Variants in CLCA1 observed in about 807,000 individuals in gnomAD.
CLCA1 encodes chloride channel accessory 1.
CLCA1 carries 59 observed loss-of-function variants against 85.6 expected under a neutral mutation model. That is an observed-to-expected ratio of 0.69 (90% CI 0.56 to 0.86). The LOEUF (loss-of-function observed/expected upper bound fraction) is 0.86. Among genes scored for constraint, CLCA1 ranks in the 40% least tolerant of loss-of-function variants. CLCA1 has a pLI of 0.00. For missense variants in CLCA1, 1,022 were observed against 1,101.4 expected (o/e 0.93, Z 1.02); for synonymous variants, 396 against 398.3 (o/e 0.99, Z 0.07).
chr1:86,476,396 G>A lies in CLCA1; in HGVS notation c.452-52G>A. 4.7e-6 allele frequency: 4 copies of A among 859,326 alleles called. No individual in the cohort carries two copies. In the East Asian group the frequency reaches 9.8e-5, roughly 21 times the overall value. 53.2% of individuals were successfully genotyped at this position (859,326 alleles called of 1,614,324 possible). A position where few individuals can be genotyped will look rare whatever the true frequency, so the allele number is the denominator to read the frequency against. On this transcript the variant is annotated intron_variant, in intron 3 of 13. Transcript: ENST00000394711. Reference sequence around the variant, plus strand: ...ACATTGCTTTCTTCCAGTGTGAGAAGGTAATTTTGCCATTCTTATTGTAAT... The same window carrying A: ...ACATTGCTTTCTTCCAGTGTGAGAAAGTAATTTTGCCATTCTTATTGTAAT...
rs778126698 is a variant in CLCA1 at position 86,489,150 on chromosome 1, A to C, written c.1337A>C (p.Glu446Ala). 6.2e-7 allele frequency: 1 copy of C among 1,613,978 alleles called. No homozygotes were observed. Among genetic ancestry groups the C allele is most frequent in the South Asian group, 1.1e-5 (1 of 91,062 alleles). Reference protein sequence around the residue: ...ALGPSAAQELEELSKMTGGLQ... With the variant: ...ALGPSAAQELAELSKMTGGLQ... ...GGGCCCTCTGCAGCTCAAGAACTAG[A>C]GGAGCTGTCCAAAATGACAGGTGAG... The change falls in exon 8 of 14, where the codon GAG becomes GCG. Residue 446 changes from glutamate (E) to alanine (A), a missense_variant. Physicochemically the swap from Glu to Ala is moderately radical, Grantham distance 107. Coordinates refer to ENST00000394711, the MANE Select transcript of CLCA1 (RefSeq NM_001285.4).
intron 8 of CLCA1, 66 bp from the exon 9 acceptor site, chr1:86,491,199 A>G: frequency 8.7e-7 from 1 of 1,149,712 alleles, no homozygotes; most frequent in Non-Finnish European, 1.3e-6. Flanking sequence ...TCTCTAAACA[A>G]CAGCTAAAAT....
At chr1:86,497,412 C>A (rs1648322487) in intron 12 of CLCA1, among the ~76,000 whole-genome samples, 2 of 152,158 alleles carry the variant, frequency 1.3e-5, no homozygotes, top group African/African-American at 4.8e-5. Flanking sequence ...TATGAGAAAA[C>A]AAATTCTAAG....
At chr1:86,478,509 G>T (rs558784817) in intron 4 of CLCA1, among the ~76,000 whole-genome samples, 5 of 152,174 alleles carry the variant, frequency 3.3e-5, no homozygotes, top group Non-Finnish European at 5.9e-5. Context: ...GATGCCTTCG[G>T]CCTGTACACT....
intron 8 of CLCA1, 143 bp downstream of exon 8, chr1:86,489,313 A>T: frequency 1.3e-6 from 1 of 748,036 alleles, no homozygotes; most frequent in South Asian, 1.9e-5. Context: ...CCCCTGAATG[A>T]CTGTTTAAGT....
chr1:86,495,824 T>C, intron 12 of CLCA1, 149 bp downstream of exon 12: 1 of 712,268 alleles, frequency 1.4e-6, no homozygotes, highest in Non-Finnish European at 2.2e-6. Context: ...CAATCCTTTG[T>C]TGTGGAGGGC....
intron 8 of CLCA1, 134 bp downstream of exon 8, chr1:86,489,304 C>T: frequency 1.3e-6 from 1 of 770,750 alleles, no homozygotes; most frequent in Non-Finnish European, 2.1e-6. Flanking sequence ...CCACCCTTAC[C>T]CCTGAATGAC....
In CLCA1 at chr1:86,485,560, C is replaced by T. The variant is rs371482526; in HGVS notation, c.953C>T (p.Ala318Val). Residue 318 changes from alanine to valine, a missense_variant and splice_region_variant, in exon 6 of 14, where the codon GCG (alanine) becomes GTG (valine). Transcript: ENST00000394711. ...CLVLDKSGSM[A>V]TGNRLNRLNQ... ...GTCCTTGACAAATCTGGAAGCATGG[C>T]GGTATGTTCAATGAGTCTTGGTCTT... is the stretch of plus-strand genomic sequence containing the variant. 1.1e-5 allele frequency: 17 copies of T among 1,613,430 alleles called. No homozygotes were observed. The highest frequency in any genetic ancestry group is 2.2e-5 in the East Asian group (1 of 44,886).
At chr1:86,489,597 GA>G (rs1648080345) in intron 8 of CLCA1, among the ~76,000 whole-genome samples, 1 of 152,170 alleles carries the variant, frequency 6.6e-6, no homozygotes, top group Non-Finnish European at 1.5e-5. Context: ...AAGCATTCAA[GA>G]AACAGGAGAA....
chr1:86,494,323 G>T lies in CLCA1; in HGVS notation c.1817G>T (p.Ser606Ile), dbSNP rs1366233696. The change falls in exon 11 of 14, where the codon AGC becomes ATC. Residue 606 changes from serine to isoleucine, a missense_variant. Transcript: ENST00000394711. ...KTNKDTSKFP[S>I]PLVVYANIRQ... ...AACAAGGACACCAGCAAATTCCCCAGCCCTCTGGTAGTTTATGCAAATATT... is the reference window on the plus strand; with the variant it reads ...AACAAGGACACCAGCAAATTCCCCATCCCTCTGGTAGTTTATGCAAATATT... 6.2e-7 allele frequency: 1 copy of T among 1,614,122 alleles called. No homozygotes were observed. Among genetic ancestry groups the T allele is most frequent in the South Asian group, 1.1e-5 (1 of 91,074 alleles).
rs1263014582 is a variant in CLCA1 at position 86,469,061 on chromosome 1, T to C, written c.90T>C (p.Asn30=). The change falls in exon 1 of 14, where the codon AAT becomes AAC. Residue 30 remains asparagine (N), a synonymous_variant. Coordinates refer to ENST00000394711, the MANE Select transcript of CLCA1 (RefSeq NM_001285.4). The part of the protein sequence containing the change: ...LSNSLIQLNN[N]GYEGIVVAID... ...ATTCACTCATTCAGCTGAACAACAA[T>C]GGCTATGAAGGCATTGTCGTTGCAA... is the stretch of plus-strand genomic sequence containing the variant. 2 of 1,613,064 alleles carry C rather than the reference T, an allele frequency of 1.2e-6. No homozygotes were observed. The highest frequency in any genetic ancestry group is 1.3e-5 in the African/African-American group (1 of 75,012).
At chr1:86,478,983 G>A (rs2101732485) in intron 4 of CLCA1, among the ~76,000 whole-genome samples, 1 of 152,270 alleles carries the variant, frequency 6.6e-6, no homozygotes. Context: ...TAGAGACACT[G>A]CCAGGACTAA....
intron 1 of CLCA1, 52 bp downstream of exon 1, chr1:86,469,185 A>C (rs1210021712): frequency 7.2e-7 from 1 of 1,386,410 alleles, no homozygotes; most frequent in Admixed American, 2.0e-5. Context: ...TAATGTTGTG[A>C]TAGAGAGAAC....
intron 12 of CLCA1, among the ~76,000 whole-genome samples, chr1:86,497,454 T>C (rs1036829404): frequency 6.6e-6 from 1 of 152,220 alleles, no homozygotes; most frequent in African/African-American, 2.4e-5. Context: ...TGAGATATTT[T>C]TATTGAAAAG....
At position 86,479,616 on chromosome 1, in the gene CLCA1, T is replaced by C. The variant is rs5744339; in HGVS notation, c.558-2589T>C. On this transcript the variant is annotated intron_variant, in intron 4 of 13. Transcript: ENST00000394711. ...TAAAACAATGTGAGCCAGGGCACAG[T>C]GGCTCACGTCTGTAATCCCAGCACT... Among the ~76,000 whole-genome samples, 1,207 of 152,330 alleles carry C rather than the reference T, an allele frequency of 7.9e-3. 5 individuals carry two copies. The highest frequency in any genetic ancestry group is 0.013 in the Non-Finnish European group (861 of 68,032).
At chr1:86,497,705 G>A (rs1057219151) in intron 12 of CLCA1, among the ~76,000 whole-genome samples, 10 of 152,102 alleles carry the variant, frequency 6.6e-5, no homozygotes, top group Non-Finnish European at 2.9e-5. Flanking sequence ...TACAAACATC[G>A]AGAAAGTGAA....
rs902625909 is a variant in CLCA1 at position 86,482,487 on chromosome 1, G to A, written c.735+105G>A. 2.2e-5 allele frequency: 24 copies of A among 1,074,956 alleles called. No homozygotes were observed. The African/African-American group carries it at 2.8e-4, about 13-fold the overall frequency. 66.6% of individuals were successfully genotyped at this position (1,074,956 alleles called of 1,614,324 possible). ...ATCAAAGTTTAGAGAAATCATCAGT[G>A]AGCAGTGGATTATCTCTGGGACAAG... On this transcript the variant is annotated intron_variant, in intron 5 of 13. Coordinates refer to ENST00000394711, the MANE Select transcript of CLCA1 (RefSeq NM_001285.4).
Position 86,468,930 on chromosome 1 carries a change from C to G in CLCA1, c.-42C>G. 6.5e-7 allele frequency: 1 copy of G among 1,536,110 alleles called. No homozygotes were observed. Among genetic ancestry groups the G allele is most frequent in the Non-Finnish European group, 8.8e-7 (1 of 1,130,858 alleles). ...TGGTAAAGAAAGACACCTTCGTAAC[C>G]CGCATTTTCCAAAGAGAGAAATCAC... On this transcript the variant is annotated 5_prime_UTR_variant, in exon 1 of 14. Transcript: ENST00000394711.
At position 86,500,086 on chromosome 1, in the gene CLCA1, C is replaced by CT. The variant is rs750995030; in HGVS notation, c.*49dup. ...AGATAAATAAAATAAATCATTCATC[C>CT]TTTTTTTTGATTATAAAATTTTCTA... On this transcript the variant is annotated 3_prime_UTR_variant, in exon 14 of 14. Transcript: ENST00000394711. 6.3e-5 allele frequency: 88 copies of CT among 1,397,216 alleles called. No homozygotes were observed. The highest frequency in any genetic ancestry group is 2.4e-4 in the East Asian group (10 of 42,008). The allele number at this position is 1,397,216 out of a possible 1,614,324, so 86.6% of individuals were successfully genotyped here. A position where few individuals can be genotyped will look rare whatever the true frequency, so the allele number is the denominator to read the frequency against.
Sources: gnomAD v4.1 joint callset for allele counts (sites outside exome capture counted in the v4.1 genomes callset) on GRCh38, gnomAD v4.1.1 for gene constraint, MANE v1.5 for transcripts, NCBI Gene and HGNC (gene_info 2026-07-23, HGNC 2026-07-21) for gene names.